TBX20: variants seen among roughly 807,000 people sequenced by gnomAD.
The protein encoded by TBX20 is T-box transcription factor TBX20.
Under a neutral mutation model 42.9 loss-of-function variants are expected in TBX20, and 8 were observed. The observed-to-expected ratio is 0.19, with a 90% CI of 0.11 to 0.34. The LOEUF (loss-of-function observed/expected upper bound fraction) is 0.34. Among genes scored for constraint, TBX20 ranks in the 10% least tolerant of loss-of-function variants. TBX20 has a pLI of 1.00. For missense variants in TBX20, 411 were observed against 566.0 expected, an observed-to-expected ratio of 0.73 and a Z score of 2.78; for synonymous variants, 198 against 222.8, an observed-to-expected ratio of 0.89 and a Z score of 0.99.
intron 5 of TBX20, among the ~76,000 whole-genome samples, chr7:35,235,807 C>A (rs1270485168): frequency 6.6e-6 from 1 of 152,112 alleles, no homozygotes; most frequent in Non-Finnish European, 1.5e-5. Context: ...GAGAAGGGGA[C>A]CTTTTGCAGT....
intron 3 of TBX20, among the ~76,000 whole-genome samples, chr7:35,245,318 G>GC (rs1562566577): frequency 6.1e-4 from 69 of 112,348 alleles, no homozygotes; most frequent in African/African-American, 2.4e-3. Flanking sequence ...TTGTTTAAAG[G>GC]GGTGTGTGTG....
intron 6 of TBX20, among the ~76,000 whole-genome samples, chr7:35,215,088 C>T (rs567628900): frequency 1.3e-5 from 2 of 152,040 alleles, no homozygotes; most frequent in Admixed American, 6.6e-5. Flanking sequence ...AAATAATTTC[C>T]CAAGTAACAC....
chr7:35,234,928 C>T (rs1184852595), intron 5 of TBX20, among the ~76,000 whole-genome samples: 3 of 151,964 alleles, frequency 2.0e-5, no homozygotes, highest in Non-Finnish European at 4.4e-5. Context: ...CTTTGTGAGC[C>T]CACCATGTTC....
chr7:35,219,780 C>G (rs575980323), intron 6 of TBX20, among the ~76,000 whole-genome samples: 1 of 152,316 alleles, frequency 6.6e-6, no homozygotes, highest in African/African-American at 2.4e-5. Context: ...GATAAAACTT[C>G]CACAAATTCC....
intron 6 of TBX20, among the ~76,000 whole-genome samples, chr7:35,214,909 A>G (rs1789556190): frequency 6.6e-6 from 1 of 152,108 alleles, no homozygotes; most frequent in Non-Finnish European, 1.5e-5. Flanking sequence ...CATGGGCCCA[A>G]ATTCTGGATG....
intron 7 of TBX20, among the ~76,000 whole-genome samples, 156 bp downstream of exon 7, chr7:35,204,314 G>A (rs951305614): frequency 6.6e-6 from 1 of 152,124 alleles, no homozygotes; most frequent in Admixed American, 6.5e-5. Flanking sequence ...AATCTGTGAG[G>A]ATCAGTGTCG....
intron 1 of TBX20, 38 bp downstream of exon 1, chr7:35,253,455 TC>T: frequency 1.9e-6 from 3 of 1,592,960 alleles, no homozygotes; most frequent in Non-Finnish European, 8.5e-7. Flanking sequence ...ATGCGCAGCA[TC>T]CCCAGTCCTC....
intron 4 of TBX20, among the ~76,000 whole-genome samples, chr7:35,243,704 A>C (rs1790125513): frequency 6.6e-6 from 1 of 152,094 alleles, no homozygotes; most frequent in African/African-American, 2.4e-5. Flanking sequence ...TGTTAAAAAA[A>C]ACAAAAGAAA....
Position 35,250,035 on chromosome 7 carries a change from T to C in TBX20, c.296A>G (p.Lys99Arg). Residue 99 changes from lysine (K) to arginine (R), a missense_variant, in exon 2 of 8, where the codon AAA (lysine) becomes AGA (arginine). This residue lies in a region of TBX20 where 114 missense variants were observed against 128.0 expected (regional missense o/e 0.89). Coordinates refer to ENST00000408931, the MANE Select transcript of TBX20 (RefSeq NM_001077653.2). ...TPIIPSEEMAKIACSLETKEL... is the reference protein window; with the variant it reads ...TPIIPSEEMARIACSLETKEL... ...CTTGGTCTCCAGGCTGCAGGCAATT[T>C]TGGCCATTTCCTCACTGGGGATGAT... is the stretch of plus-strand genomic sequence containing the variant. 6.2e-7 allele frequency: 1 copy of C among 1,613,938 alleles called. No homozygotes were observed. The highest frequency in any genetic ancestry group is 1.7e-5 in the Admixed American group (1 of 59,994).
Position 35,202,547 on chromosome 7 carries a change from A to T in TBX20, c.1227T>A (p.Ser409Arg). Reference sequence around the variant, plus strand: ...TGTGGAATGAAGGGAATGTGGGGCCACTCCCTTGCATGGAGCTGGCAATGG... The same window carrying T: ...TGTGGAATGAAGGGAATGTGGGGCCTCTCCCTTGCATGGAGCTGGCAATGG... ...PSAIASSMQGSGPTFPSFHMP... is the reference protein window; with the variant it reads ...PSAIASSMQGRGPTFPSFHMP... Residue 409 changes from serine (S) to arginine (R), a missense_variant, in exon 8 of 8, where the codon AGT (serine) becomes AGA (arginine). This residue lies in a region of TBX20 where 162 missense variants were observed against 205.4 expected (regional missense o/e 0.79). Transcript: ENST00000408931. 6.2e-7 allele frequency: 1 copy of T among 1,613,808 alleles called. No homozygotes were observed. Among genetic ancestry groups the T allele is most frequent in the Non-Finnish European group, 8.5e-7 (1 of 1,179,952 alleles).
chr7:35,211,568 C>CT (rs1485056362), intron 6 of TBX20, among the ~76,000 whole-genome samples: 1 of 152,146 alleles, frequency 6.6e-6, no homozygotes, highest in South Asian at 2.1e-4. Flanking sequence ...AATGGTTCAA[C>CT]TTACAAATTT....
chr7:35,213,286 T>C (rs185371139), intron 6 of TBX20, among the ~76,000 whole-genome samples: 183 of 152,338 alleles, frequency 1.2e-3, no homozygotes, highest in African/African-American at 4.2e-3. Context: ...TTCTAAAAAT[T>C]CCAAAGCTGA....
intron 6 of TBX20, among the ~76,000 whole-genome samples, chr7:35,228,495 C>T (rs867425576): frequency 6.6e-6 from 1 of 151,762 alleles, no homozygotes; most frequent in Admixed American, 6.6e-5. Context: ...CTTACTTGTC[C>T]GTATTTTCTG....
intron 6 of TBX20, among the ~76,000 whole-genome samples, chr7:35,228,012 T>A (rs562838233): frequency 2.6e-5 from 4 of 152,298 alleles, no homozygotes; most frequent in African/African-American, 9.6e-5. Flanking sequence ...TGCATGATTA[T>A]GAATTTTATT....
At chr7:35,215,171 T>C (rs1195810272) in intron 6 of TBX20, among the ~76,000 whole-genome samples, 3 of 152,220 alleles carry the variant, frequency 2.0e-5, no homozygotes, top group Non-Finnish European at 1.5e-5. Flanking sequence ...TATCATTACT[T>C]ACGCTAGTCT....
chr7:35,247,367 T>C (rs1017186066), intron 3 of TBX20, among the ~76,000 whole-genome samples: 7 of 150,876 alleles, frequency 4.6e-5, no homozygotes, highest in Non-Finnish European at 7.4e-5. Flanking sequence ...CTTGCTCAAC[T>C]AAAAAAAAAC....
chr7:35,250,317 A>C, intron 1 of TBX20, 114 bp from the exon 2 acceptor site: 89 of 1,232,940 alleles, frequency 7.2e-5, no homozygotes, highest in African/African-American at 9.6e-5. Context: ...AGTTAAGCTC[A>C]GAAACTCCAG....
Position 35,227,877 on chromosome 7 carries a change from G to A in TBX20, c.890+3627C>T, listed in dbSNP as rs141804846. The stretch of plus-strand genomic sequence containing the variant: ...GGGATGATGAAAACATTCTGGAAAC[G>A]GATAGCAGTGATGGTTATGTGACAT... On this transcript the variant is annotated intron_variant, in intron 6 of 7. Transcript: ENST00000408931. 4.8e-3 allele frequency among the ~76,000 whole-genome samples: 729 copies of A among 152,044 alleles called. 6 individuals are homozygous for A. The highest frequency in any genetic ancestry group is 0.016 in the African/African-American group (668 of 41,420).
chr7:35,238,666 G>C (rs564279317), intron 5 of TBX20, among the ~76,000 whole-genome samples: 1 of 152,274 alleles, frequency 6.6e-6, no homozygotes, highest in South Asian at 2.1e-4. Context: ...CAGGATTGCT[G>C]GTTTCAGTGT....
Sources: gnomAD v4.1 joint callset for allele counts (sites outside exome capture counted in the v4.1 genomes callset) on GRCh38, gnomAD v4.1.1 for gene constraint, gnomAD v4.1.1 regional missense constraint, MANE v1.5 for transcripts, NCBI Gene and HGNC (gene_info 2026-07-23, HGNC 2026-07-21) for gene names.